Variants in TMTC3 observed in about 807,000 individuals in gnomAD.
TMTC3 encodes protein O-mannosyl-transferase TMTC3.
In TMTC3, 52 loss-of-function variants were observed where a neutral mutation model predicts 92.2. The observed-to-expected ratio is 0.56, with a 90% confidence interval of 0.45 to 0.71. TMTC3 has a LOEUF of 0.71. Ranked by LOEUF, TMTC3 falls within the 30% of genes least tolerant of loss-of-function variation. TMTC3 has a pLI of 0.00. For synonymous variants in TMTC3, 339 were observed against 363.3 expected, an observed-to-expected ratio of 0.93 and a Z score of 0.76; for missense variants, 896 against 1,057.1, an observed-to-expected ratio of 0.85 and a Z score of 2.11.
chr12:88,166,701 C>T (rs190324055), intron 7 of TMTC3, 119 bp downstream of exon 7: 1 of 1,130,500 alleles, frequency 8.8e-7, no homozygotes, highest in African/African-American at 1.6e-5. Context: ...TCAACGGCAT[C>T]CCAATTTATA....
At chr12:88,180,794 T>C (rs1296780077) in intron 10 of TMTC3, among the ~76,000 whole-genome samples, 2 of 152,092 alleles carry the variant, frequency 1.3e-5, no homozygotes, top group African/African-American at 4.8e-5. Context: ...CTCTTCCCCA[T>C]GTCAACAAAT....
rs765514974 is a variant in TMTC3, at chr12:88,194,936, G to T, written c.2032G>T (p.Ala678Ser). The T allele has an allele frequency of 6.2e-7, 1 of 1,613,786 alleles. No homozygotes were observed. Among genetic ancestry groups the T allele is most frequent in the Admixed American group, 1.7e-5 (1 of 59,968 alleles). ...TGGGTATTTCAATTTGGGAATGCTT[G>T]CCATGGATGACAAAAAGGACAATGA... ...ANGYFNLGML[A>S]MDDKKDNEAE... The change falls in exon 14 of 14, where the codon GCC (alanine) becomes TCC (serine). Residue 678 changes from alanine to serine, a missense_variant. Transcript: ENST00000266712.
intron 9 of TMTC3, among the ~76,000 whole-genome samples, chr12:88,175,285 T>C (rs1407478355): frequency 6.6e-6 from 1 of 152,152 alleles, no homozygotes; most frequent in Non-Finnish European, 1.5e-5. Context: ...GAATGGACAT[T>C]ATAAATCGGA....
At chr12:88,148,579 CT>C in intron 2 of TMTC3, 75 bp downstream of exon 2, 4 of 1,099,762 alleles carry the variant, frequency 3.6e-6, no homozygotes, top group Non-Finnish European at 5.2e-6. Flanking sequence ...ACTTCTAATT[CT>C]TTATCAACAT....
intron 7 of TMTC3, among the ~76,000 whole-genome samples, chr12:88,167,826 A>G (rs933013234): frequency 1.6e-4 from 25 of 152,234 alleles, no homozygotes; most frequent in South Asian, 6.2e-4. Flanking sequence ...TAAGTTACAC[A>G]TAGAAATCTT....
intron 10 of TMTC3, among the ~76,000 whole-genome samples, chr12:88,183,111 T>A (rs913776562): frequency 3.9e-5 from 6 of 152,162 alleles, no homozygotes; most frequent in Non-Finnish European, 7.3e-5. Context: ...GGCTGGCTTT[T>A]AATTGCTCCT....
At chr12:88,175,058 C>G (rs1462716226) in intron 9 of TMTC3, among the ~76,000 whole-genome samples, 1 of 151,782 alleles carries the variant, frequency 6.6e-6, no homozygotes. Context: ...TCTCTGAAAT[C>G]AAATAAGTCT....
At position 88,148,273 on chromosome 12, in the gene TMTC3, T is replaced by C; in HGVS notation, c.-28-15T>C. On this transcript the variant is annotated splice_polypyrimidine_tract_variant and intron_variant, in intron 1 of 13. Coordinates refer to ENST00000266712, the MANE Select transcript of TMTC3 (RefSeq NM_181783.4). ...AAATATGTTCCTTATTTTATCTTCA[T>C]GATTTTTTTTCCAGTTTTTGTCCAG... 2 of 1,495,376 alleles carry C rather than the reference T, an allele frequency of 1.3e-6. No homozygotes were observed. Among genetic ancestry groups the C allele is most frequent in the Non-Finnish European group, 1.8e-6 (2 of 1,094,792 alleles). The allele number at this position is 1,495,376 out of a possible 1,614,324, so 92.6% of individuals were successfully genotyped here. A position where few individuals can be genotyped will look rare whatever the true frequency, so the allele number is the denominator to read the frequency against.
intron 8 of TMTC3, among the ~76,000 whole-genome samples, chr12:88,174,018 T>A (rs2041232647): frequency 6.6e-6 from 1 of 152,112 alleles, no homozygotes; most frequent in Admixed American, 6.6e-5. Flanking sequence ...CAGAGACTAT[T>A]AATACTAAAC....
chr12:88,149,089 A>G (rs1489253907), intron 2 of TMTC3, among the ~76,000 whole-genome samples: 1 of 152,174 alleles, frequency 6.6e-6, no homozygotes, highest in Non-Finnish European at 1.5e-5. Flanking sequence ...GTAAGTACAC[A>G]TATTGCCAAT....
intron 10 of TMTC3, among the ~76,000 whole-genome samples, chr12:88,185,394 ATGT>A (rs2041365884): frequency 6.8e-6 from 1 of 147,680 alleles, no homozygotes; most frequent in African/African-American, 2.5e-5. Context: ...ATACTCATTC[ATGT>A]TGTTGTATGA....
chr12:88,184,791 CACACACACAAAATATATAT>C (rs1267964981), intron 10 of TMTC3, among the ~76,000 whole-genome samples: 1 of 151,212 alleles, frequency 6.6e-6, no homozygotes, highest in Non-Finnish European at 1.5e-5. Context: ...TATATATATA[CACACACACAAAATATATAT>C]ATACACACAC....
chr12:88,148,226 T>G (rs2040899388), intron 1 of TMTC3, 62 bp from the exon 2 acceptor site: 8 of 1,109,786 alleles, frequency 7.2e-6, no homozygotes, highest in Non-Finnish European at 9.1e-6. Flanking sequence ...ACCCACCTAC[T>G]AAAATTGAAC....
At position 88,179,810 on chromosome 12, in the gene TMTC3, C is replaced by A. The variant is rs975316788; in HGVS notation, c.1432+3491C>A. On this transcript the variant is annotated intron_variant, in intron 10 of 13. Transcript: ENST00000266712. ...ATTTGTGGGTAATAAACATTGTCAA[C>A]CCCCGGAGTAGAGAGCAGTCCTGTG... Among the ~76,000 whole-genome samples, 74 of 152,176 alleles carry A rather than the reference C, an allele frequency of 4.9e-4. 1 individual carries two copies. The highest frequency in any genetic ancestry group is 1.8e-3 in the African/African-American group (73 of 41,516).
chr12:88,147,936 T>C (rs781480284), intron 1 of TMTC3, among the ~76,000 whole-genome samples: 1 of 152,144 alleles, frequency 6.6e-6, no homozygotes, highest in Non-Finnish European at 1.5e-5. Context: ...GACTTTTTTT[T>C]ACTTAGCCTT....
intron 10 of TMTC3, among the ~76,000 whole-genome samples, chr12:88,182,246 GT>G (rs2041326282): frequency 6.6e-6 from 1 of 152,232 alleles, no homozygotes; most frequent in African/African-American, 2.4e-5. Context: ...GTTGGGGAAT[GT>G]TTAGTAGGGA....
chr12:88,185,190 C>A (rs2041362491), intron 10 of TMTC3, among the ~76,000 whole-genome samples: 1 of 152,076 alleles, frequency 6.6e-6, no homozygotes, highest in Non-Finnish European at 1.5e-5. Context: ...AAATATCCAT[C>A]AACCCCTCAA....
At chr12:88,189,090 C>T (rs960756261) in intron 11 of TMTC3, 144 bp downstream of exon 11, 5 of 535,328 alleles carry the variant, frequency 9.3e-6, no homozygotes, top group African/African-American at 6.1e-5. Flanking sequence ...TTCTAGCTTA[C>T]TTAATTTTTT....
chr12:88,191,248 CTGTT>C (rs1173747578), intron 12 of TMTC3, among the ~76,000 whole-genome samples: 1 of 152,010 alleles, frequency 6.6e-6, no homozygotes, highest in Non-Finnish European at 1.5e-5. Context: ...GAGATAAAAT[CTGTT>C]TGTAAGTTGG....
Sources: allele counts gnomAD v4.1 joint callset (sites outside exome capture counted in the v4.1 genomes callset), GRCh38; gene constraint gnomAD v4.1.1; transcripts MANE v1.5; gene names NCBI Gene and HGNC (gene_info 2026-07-23, HGNC 2026-07-21).